The following CHIC2 variants were observed in gnomAD, a reference collection of about 807,000 sequenced individuals.
CHIC2 encodes the protein cysteine rich hydrophobic domain 2.
Under a neutral mutation model 25.9 loss-of-function variants are expected in CHIC2, and 14 were observed. The observed-to-expected ratio is 0.54, with a 90% CI of 0.36 to 0.85. The LOEUF (loss-of-function observed/expected upper bound fraction) is 0.85. Among genes scored for constraint, CHIC2 ranks in the 40% least tolerant of loss-of-function variants. The pLI, the probability that CHIC2 is intolerant of heterozygous loss-of-function variation, is 0.01. For missense variants in CHIC2, 146 were observed against 202.0 expected (o/e 0.72, Z 1.68); for synonymous variants, 70 against 72.0 (o/e 0.97, Z 0.14).
At chr4:54,071,323 A>G in the CHIC2 span, among the ~76,000 whole-genome samples, 12 of 152,254 alleles carry the variant, frequency 7.9e-5, no homozygotes, top group Non-Finnish European at 1.6e-4. Flanking sequence ...TTTTTAGATT[A>G]GGGATACACA....
chr4:54,026,095 C>G (rs1469997646), intron 3 of CHIC2, among the ~76,000 whole-genome samples: 4 of 152,094 alleles, frequency 2.6e-5, no homozygotes, highest in African/African-American at 7.2e-5. Context: ...AAAACTAAAG[C>G]TTACAGAGGT....
At chr4:54,015,771 G>A (rs954283844) in intron 3 of CHIC2, among the ~76,000 whole-genome samples, 5 of 152,180 alleles carry the variant, frequency 3.3e-5, no homozygotes, top group African/African-American at 1.2e-4. Context: ...AGAACAAGGA[G>A]CAGACATAAA....
chr4:54,046,679 C>T (rs1716830519), intron 3 of CHIC2, among the ~76,000 whole-genome samples: 1 of 152,114 alleles, frequency 6.6e-6, no homozygotes, highest in African/African-American at 2.4e-5. Flanking sequence ...CATGTTAGAC[C>T]TAAAACCATA....
intron 5 of CHIC2, among the ~76,000 whole-genome samples, chr4:54,012,401 T>C (rs1229034727): frequency 6.6e-6 from 1 of 152,174 alleles, no homozygotes; most frequent in East Asian, 1.9e-4. Flanking sequence ...TAGTTCAGAA[T>C]GTTTTGGAAG....
At chr4:54,039,657 G>A (rs914592321) in intron 3 of CHIC2, among the ~76,000 whole-genome samples, 1 of 152,182 alleles carries the variant, frequency 6.6e-6, no homozygotes, top group Admixed American at 6.5e-5. Context: ...ACAGTTTGGA[G>A]ATTTTTTATA....
intron 1 of CHIC2, among the ~76,000 whole-genome samples, chr4:54,049,876 A>C (rs892808646): frequency 3.3e-5 from 5 of 152,148 alleles, no homozygotes; most frequent in Non-Finnish European, 7.4e-5. Context: ...ATTAGATGGT[A>C]TGAAAGAAAA....
At chr4:54,084,959 C>CAAAAAAAAAATAAAAAA in the CHIC2 span, among the ~76,000 whole-genome samples, 1 of 58,922 alleles carries the variant, frequency 1.7e-5, no homozygotes, top group Non-Finnish European at 3.2e-5. Context: ...TGCTCTGTCT[C>CAAAAAAAAAATAAAAAA]AAAAAAAAAA....
the CHIC2 span, among the ~76,000 whole-genome samples, chr4:54,084,444 G>A: frequency 5.3e-5 from 8 of 151,534 alleles, no homozygotes; most frequent in Non-Finnish European, 1.2e-4. Context: ...ATTATATTAG[G>A]CCCATATTGT....
In CHIC2 at chr4:54,064,214, C is replaced by T; in HGVS notation, c.87G>A (p.Pro29=). Residue 29 remains proline (P), a synonymous_variant, in exon 1 of 6, where the codon CCG becomes CCA. Transcript: ENST00000263921. This position sits in a 1 kb window ranked among gnomAD's most constrained non-coding sequence, Gnocchi z 4.2. The part of the protein sequence containing the change: ...EEQLLKYSPD[P]VVVRGSGHVT... ...CGTGACCGGAGCCGCGGACGACCAC[C>T]GGGTCCGGCGAGTACTTGAGCAGCT... The T allele has an allele frequency of 6.2e-7, 1 of 1,606,488 alleles. No individual in the cohort carries two copies. The highest frequency in any genetic ancestry group is 8.5e-7 in the Non-Finnish European group (1 of 1,176,672).
At chr4:54,029,182 G>A (rs956010100) in intron 3 of CHIC2, among the ~76,000 whole-genome samples, 1 of 150,522 alleles carries the variant, frequency 6.6e-6, no homozygotes, top group Non-Finnish European at 1.5e-5. Context: ...GTTTTATTAA[G>A]TGTAAAAGAA....
intron 3 of CHIC2, among the ~76,000 whole-genome samples, chr4:54,017,687 C>T (rs1019463162): frequency 3.9e-5 from 6 of 152,122 alleles, no homozygotes; most frequent in African/African-American, 1.2e-4. Context: ...CACCAACTCA[C>T]AATATGCAGG....
chr4:54,059,733 C>G (rs1004427575), intron 1 of CHIC2: 1 of 152,022 alleles, frequency 6.6e-6, no homozygotes, highest in African/African-American at 2.4e-5. Context: ...GAGAAGAAAA[C>G]AGTGATTCAT....
chr4:54,035,878 C>T (rs1230620778), intron 3 of CHIC2, among the ~76,000 whole-genome samples: 1 of 152,156 alleles, frequency 6.6e-6, no homozygotes, highest in South Asian at 2.1e-4. Context: ...TAGTATGACA[C>T]AAATTTTGAC....
At chr4:54,090,097 A>G in the CHIC2 span, among the ~76,000 whole-genome samples, 8 of 152,178 alleles carry the variant, frequency 5.3e-5, no homozygotes, top group Non-Finnish European at 7.4e-5. Context: ...ACCATAAAAA[A>G]TCCAAAATCT....
the CHIC2 span, among the ~76,000 whole-genome samples, chr4:54,071,305 A>AT: frequency 6.6e-6 from 1 of 152,126 alleles, no homozygotes; most frequent in Admixed American, 6.5e-5. Flanking sequence ...AGCATTTTGG[A>AT]TTTTGGATTT....
At position 54,010,025 on chromosome 4, in the gene CHIC2, AGGAG is replaced by A; in HGVS notation, c.*66_*69del. The A allele has an allele frequency of 2.0e-6, 2 of 1,020,586 alleles. No individual in the cohort carries two copies. Among genetic ancestry groups the A allele is most frequent in the Non-Finnish European group, 3.0e-6 (2 of 662,410 alleles). The allele number at this position is 1,020,586 out of a possible 1,614,324, so 63.2% of individuals were successfully genotyped here. On this transcript the variant is annotated 3_prime_UTR_variant, in exon 6 of 6. Transcript: ENST00000263921. The stretch of plus-strand genomic sequence containing the variant: ...GTAGAACCAATGTTATGTCACCACC[AGGAG>A]AGCACCAAGCAAGGCACCATTGGAA...
At chr4:54,032,189 A>C (rs1716247159) in intron 3 of CHIC2, among the ~76,000 whole-genome samples, 1 of 152,216 alleles carries the variant, frequency 6.6e-6, no homozygotes, top group South Asian at 2.1e-4. Flanking sequence ...TGGTTAGCAT[A>C]TCTAAAAGAG....
At chr4:54,081,515 T>C in the CHIC2 span, among the ~76,000 whole-genome samples, 1 of 152,310 alleles carries the variant, frequency 6.6e-6, no homozygotes, top group East Asian at 1.9e-4. Flanking sequence ...TCTACCTCTC[T>C]AAGTGAGGGC....
At chr4:54,034,725 C>T (rs1031321025) in intron 3 of CHIC2, among the ~76,000 whole-genome samples, 4 of 152,086 alleles carry the variant, frequency 2.6e-5, no homozygotes, top group Admixed American at 1.3e-4. Flanking sequence ...TATTACTATA[C>T]TTGTTGCTTT....
Sources: allele counts gnomAD v4.1 joint callset (sites outside exome capture counted in the v4.1 genomes callset), GRCh38; gene constraint gnomAD v4.1.1; non-coding constraint Gnocchi (gnomAD v3.1); transcripts MANE v1.5; gene names NCBI Gene and HGNC (gene_info 2026-07-23, HGNC 2026-07-21).